CNTN1: variants seen among roughly 807,000 people sequenced by gnomAD.
CNTN1 encodes the protein contactin-1.
Under a neutral mutation model 126.4 loss-of-function variants are expected in CNTN1, and 38 were observed. The observed-to-expected ratio is 0.30, with a 90% confidence interval of 0.23 to 0.39. The LOEUF is 0.39. CNTN1 is among the 10% of genes least tolerant of loss of function. The pLI is 1.00. For synonymous variants in CNTN1, 413 were observed against 422.6 expected (o/e 0.98, Z 0.28); for missense variants, 1,009 against 1,248.4 (o/e 0.81, Z 2.89).
rs2229930 is a variant in CNTN1 at position 40,981,060 on chromosome 12, A to G, written c.1956A>G (p.Ala652=). ...KTILSDDWKD[A]KTDPPIIEGN... Reference sequence around the variant, plus strand: ...TTCTTTCAGATGACTGGAAAGATGCAAAGACAGGTGAGTTTTATTTGTCTG... The same window carrying G: ...TTCTTTCAGATGACTGGAAAGATGCGAAGACAGGTGAGTTTTATTTGTCTG... Residue 652 remains alanine (A), a synonymous_variant, in exon 16 of 24, where the codon GCA becomes GCG. Coordinates refer to ENST00000551295, the MANE Select transcript of CNTN1 (RefSeq NM_001843.4). 66,708 of 1,612,264 alleles carry G rather than the reference A, an allele frequency of 0.041. 1,611 individuals carry two copies. The highest frequency in any genetic ancestry group is 0.093 in the Middle Eastern group (477 of 5,108).
chr12:40,757,611 C>T (rs1938663833), intron 1 of CNTN1, among the ~76,000 whole-genome samples: 1 of 152,132 alleles, frequency 6.6e-6, no homozygotes. Flanking sequence ...TTGGTTTCAG[C>T]TTCCACTATG....
chr12:40,937,765 A>G, intron 11 of CNTN1, 78 bp downstream of exon 11: 2 of 860,546 alleles, frequency 2.3e-6, no homozygotes, highest in Non-Finnish European at 4.0e-6. Flanking sequence ...TTGAGCCTAC[A>G]CAAAATACCC....
At chr12:40,841,147 A>G (rs977225289) in intron 1 of CNTN1, among the ~76,000 whole-genome samples, 1 of 152,060 alleles carries the variant, frequency 6.6e-6, no homozygotes, top group Non-Finnish European at 1.5e-5. Context: ...ACAGAAGATC[A>G]TCAGAGAACT....
At chr12:40,799,010 G>C (rs5002862) in intron 1 of CNTN1, among the ~76,000 whole-genome samples, 96,727 of 150,806 alleles carry the variant, frequency 0.64, 31,092 homozygotes, top group Middle Eastern at 0.71. Context: ...TATACATAAA[G>C]ATCAGTAAAT....
intron 15 of CNTN1, among the ~76,000 whole-genome samples, chr12:40,975,949 T>A (rs894034085): frequency 2.6e-5 from 4 of 152,132 alleles, no homozygotes; most frequent in African/African-American, 9.7e-5. Context: ...AGTAGGGATA[T>A]GATATATGAG....
At chr12:40,797,791 A>G (rs2136477894) in intron 1 of CNTN1, among the ~76,000 whole-genome samples, 1 of 152,162 alleles carries the variant, frequency 6.6e-6, no homozygotes, top group East Asian at 1.9e-4. Context: ...ATAGTTATGC[A>G]GTACAAAACA....
intron 1 of CNTN1, among the ~76,000 whole-genome samples, chr12:40,878,949 T>G (rs1360601538): frequency 6.6e-6 from 1 of 152,154 alleles, no homozygotes; most frequent in Non-Finnish European, 1.5e-5. Context: ...TATATAGCTT[T>G]CAATTAGTTG....
intron 1 of CNTN1, among the ~76,000 whole-genome samples, chr12:40,815,219 T>C (rs1941218388): frequency 1.3e-5 from 2 of 152,356 alleles, no homozygotes; most frequent in Middle Eastern, 3.4e-3. Context: ...GGAATAGCAT[T>C]GAATCTATAA....
At position 40,876,518 on chromosome 12, in the gene CNTN1, C is replaced by T. The variant is rs148956301; in HGVS notation, c.-76-31839C>T. On this transcript the variant is annotated intron_variant, in intron 1 of 23. Transcript: ENST00000551295. Reference sequence around the variant, plus strand: ...CTTATTTATTGGAAATTTGACTAAACCATCAATATGACCACCTTTATTCTC... The same window carrying T: ...CTTATTTATTGGAAATTTGACTAAATCATCAATATGACCACCTTTATTCTC... Among the ~76,000 whole-genome samples, 479 of 152,100 alleles carry T rather than the reference C, an allele frequency of 3.1e-3. 3 individuals are homozygous for T. Among genetic ancestry groups the T allele is most frequent in the African/African-American group, 0.011 (456 of 41,534 alleles).
chr12:40,794,747 A>G (rs1036979700), intron 1 of CNTN1, among the ~76,000 whole-genome samples: 8 of 152,080 alleles, frequency 5.3e-5, no homozygotes, highest in African/African-American at 1.9e-4. Context: ...AGTAGCTCCC[A>G]TTGGGAAGGA....
chr12:40,892,642 T>C (rs1170191146), intron 1 of CNTN1, among the ~76,000 whole-genome samples: 2 of 152,206 alleles, frequency 1.3e-5, no homozygotes, highest in East Asian at 3.9e-4. Context: ...CTAATCATGT[T>C]TCAGGACATA....
At chr12:40,987,142 C>T (rs1402727810) in intron 16 of CNTN1, among the ~76,000 whole-genome samples, 2 of 151,938 alleles carry the variant, frequency 1.3e-5, no homozygotes, top group Non-Finnish European at 2.9e-5. Flanking sequence ...ATATTTTCTG[C>T]AACAAATACA....
intron 23 of CNTN1, among the ~76,000 whole-genome samples, chr12:41,031,648 A>G (rs1949147671): frequency 1.3e-5 from 2 of 152,208 alleles, no homozygotes; most frequent in South Asian, 2.1e-4. Context: ...ATAGAAGAGT[A>G]TTTTTTTAAT....
chr12:40,705,301 A>G (rs896642560), intron 1 of CNTN1, among the ~76,000 whole-genome samples: 2 of 152,152 alleles, frequency 1.3e-5, no homozygotes, highest in African/African-American at 4.8e-5. Context: ...TGCAGTTGAC[A>G]CCACTATTTG....
intron 1 of CNTN1, among the ~76,000 whole-genome samples, chr12:40,805,881 A>G (rs73114703): frequency 0.023 from 3,470 of 152,166 alleles, 127 homozygotes; most frequent in African/African-American, 0.078. Context: ...GCTATCTTCA[A>G]TGGGACACAG....
At chr12:40,901,958 G>C (rs531709350) in intron 1 of CNTN1, among the ~76,000 whole-genome samples, 1 of 152,262 alleles carries the variant, frequency 6.6e-6, no homozygotes, top group Non-Finnish European at 1.5e-5. Context: ...CCATTAGTCA[G>C]TTAAAGGGGG....
chr12:40,938,843 C>T (rs530757638), intron 11 of CNTN1, among the ~76,000 whole-genome samples: 15 of 152,228 alleles, frequency 9.9e-5, no homozygotes, highest in South Asian at 8.3e-4. Flanking sequence ...GAGGCGATCA[C>T]GCTTCACTGC....
chr12:40,756,588 C>T (rs921898294), intron 1 of CNTN1, among the ~76,000 whole-genome samples: 3 of 152,076 alleles, frequency 2.0e-5, no homozygotes, highest in Non-Finnish European at 4.4e-5. Context: ...CCGTCAAAGG[C>T]CATGAGTTTC....
At chr12:40,723,554 G>GT (rs1942274194) in intron 1 of CNTN1, among the ~76,000 whole-genome samples, 1 of 152,114 alleles carries the variant, frequency 6.6e-6, no homozygotes, top group South Asian at 2.1e-4. Context: ...TCCCTGATTT[G>GT]TTTTTTAAAG....
Sources: allele counts gnomAD v4.1 joint callset (sites outside exome capture counted in the v4.1 genomes callset), GRCh38; gene constraint gnomAD v4.1.1; transcripts MANE v1.5; gene names NCBI Gene and HGNC (gene_info 2026-07-23, HGNC 2026-07-21).